TSPEAR: variants seen among roughly 807,000 people sequenced by gnomAD.
TSPEAR encodes thrombospondin type laminin G domain and EAR repeats.
A neutral mutation model predicts 71.6 loss-of-function variants in TSPEAR; 69 were observed. The ratio of observed to expected loss-of-function variants is 0.96; its 90% CI spans 0.79 to 1.18. The LOEUF is 1.18. Ranked by LOEUF, TSPEAR falls within the 50% of genes most tolerant of loss-of-function variation. The probability of loss-of-function intolerance (pLI) is 0.00; values close to 1 mark genes in which losing one functional copy is unlikely to be tolerated. For missense variants in TSPEAR, 971 were observed against 894.9 expected, an observed-to-expected ratio of 1.09 and a Z score of -1.09; for synonymous variants, 402 against 387.2, an observed-to-expected ratio of 1.04 and a Z score of -0.45.
At chr21:44,522,176 C>A in intron 8 of TSPEAR, 64 bp from the exon 9 acceptor site, 1 of 1,512,708 alleles carries the variant, frequency 6.6e-7, no homozygotes, top group Admixed American at 1.7e-5. Context: ...GCAGCCCCGA[C>A]GGAGGCAGAG....
Position 44,498,806 on chromosome 21 carries a change from T to G in TSPEAR, c.*977A>C, listed in dbSNP as rs1002748858. ...CCCCGGAGCCTGCTGTCTGAGCCTCTTCTCATGGAGTGGGGGTGGTTTCTC... is the reference window on the plus strand; with the variant it reads ...CCCCGGAGCCTGCTGTCTGAGCCTCGTCTCATGGAGTGGGGGTGGTTTCTC... On this transcript the variant is annotated 3_prime_UTR_variant, in exon 12 of 12. Transcript: ENST00000323084. 2.6e-5 allele frequency: 4 copies of G among 152,440 alleles called. No homozygotes were observed. The highest frequency in any genetic ancestry group is 9.6e-5 in the African/African-American group (4 of 41,484). The allele number at this position is 152,440 out of a possible 1,614,324, so 9.4% of individuals were successfully genotyped here. A position where few individuals can be genotyped will look rare whatever the true frequency, so the allele number is the denominator to read the frequency against.
chr21:44,537,201 A>G (rs2053103660), intron 2 of TSPEAR, among the ~76,000 whole-genome samples: 1 of 151,960 alleles, frequency 6.6e-6, no homozygotes, highest in Admixed American at 6.5e-5. Flanking sequence ...GCTAGAACCA[A>G]CGTTTTTAGA....
chr21:44,517,533 G>C, intron 9 of TSPEAR: 1 of 342,470 alleles, frequency 2.9e-6, no homozygotes, highest in South Asian at 2.2e-5. Flanking sequence ...CGTGAGTACA[G>C]GTCCAGCTAG....
In TSPEAR at chr21:44,571,406, G is replaced by A. The variant is rs1459033606; in HGVS notation, c.83-3401C>T. Among the ~76,000 whole-genome samples, 3 of 152,208 alleles carry A rather than the reference G, an allele frequency of 2.0e-5. No homozygotes were observed. The South Asian group carries it at 6.2e-4, about 32-fold the overall frequency. Reference sequence around the variant, plus strand: ...AGTCTGGAAAAACCAGCACCAACACGATTCTTAGTGGGGAAACCCCTCCCT... The same window carrying A: ...AGTCTGGAAAAACCAGCACCAACACAATTCTTAGTGGGGAAACCCCTCCCT... On this transcript the variant is annotated intron_variant, in intron 1 of 11. Transcript: ENST00000323084.
intron 2 of TSPEAR, among the ~76,000 whole-genome samples, chr21:44,541,266 AC>A (rs2053218441): frequency 6.6e-6 from 1 of 152,196 alleles, no homozygotes; most frequent in Admixed American, 6.5e-5. Flanking sequence ...GAAATAATAA[AC>A]TTTTTTGGAG....
intron 1 of TSPEAR, among the ~76,000 whole-genome samples, chr21:44,707,481 G>A (rs1156287500): frequency 1.3e-5 from 2 of 152,198 alleles, no homozygotes; most frequent in Non-Finnish European, 2.9e-5. Context: ...TGGAACCAGA[G>A]AGGCTGGAGA....
At position 44,629,107 on chromosome 21, in the gene TSPEAR, C is replaced by T. The variant is rs587766405; in HGVS notation, c.83-61102G>A. On this transcript the variant is annotated intron_variant, in intron 1 of 11. Transcript: ENST00000323084. ...CAGATGGCCAGAGCCACACTGTCCC[C>T]TCCAGTCCTCACCCACACCCCCCAC... is the stretch of plus-strand genomic sequence containing the variant. Among the ~76,000 whole-genome samples the T allele has an allele frequency of 2.9e-4, 44 of 152,284 alleles. 1 individual carries two copies. Among genetic ancestry groups the T allele is most frequent in the Admixed American group, 1.2e-3 (19 of 15,312 alleles).
rs587699285 is a variant in TSPEAR, at chr21:44,647,650, A to C, written c.82+63783T>G. On this transcript the variant is annotated intron_variant, in intron 1 of 11. Coordinates refer to ENST00000323084, the MANE Select transcript of TSPEAR (RefSeq NM_144991.3). ...AATCAATAAATTCTTGAGTCAGGAAATACGGGCTGGTGTGCACTTTCTGCT... is the reference window on the plus strand; with the variant it reads ...AATCAATAAATTCTTGAGTCAGGAACTACGGGCTGGTGTGCACTTTCTGCT... 8.6e-5 allele frequency: 39 copies of C among 454,188 alleles called. No homozygotes were observed. In the South Asian group the frequency reaches 1.0e-3, roughly 12 times the overall value. 28.1% of individuals were successfully genotyped at this position (454,188 alleles called of 1,614,324 possible).
At position 44,607,568 on chromosome 21, in the gene TSPEAR, C is replaced by T. The variant is rs377667589; in HGVS notation, c.83-39563G>A. On this transcript the variant is annotated intron_variant, in intron 1 of 11. Coordinates refer to ENST00000323084, the MANE Select transcript of TSPEAR (RefSeq NM_144991.3). ...TTGTGGTAGGCAAAGACTTCGGGAA[C>T]GGGGTAAAAATGCCACACATAAGAG... 1.3e-3 allele frequency among the ~76,000 whole-genome samples: 205 copies of T among 152,248 alleles called. 3 individuals carry two copies. Among genetic ancestry groups the T allele is most frequent in the African/African-American group, 4.5e-3 (189 of 41,540 alleles).
At chr21:44,639,252 C>A (rs1264996413) in intron 1 of TSPEAR, among the ~76,000 whole-genome samples, 1 of 152,236 alleles carries the variant, frequency 6.6e-6, no homozygotes, top group Admixed American at 6.5e-5. Context: ...GCCTGCCACC[C>A]TCCGTCCCAG....
chr21:44,580,634 T>TGTGAGTGAGTGAAGGAGGGA, intron 1 of TSPEAR: 1 of 1,529,802 alleles, frequency 6.5e-7, no homozygotes, highest in Non-Finnish European at 8.9e-7. Flanking sequence ...TGAGTGAGTG[T>TGTGAGTGAGTGAAGGAGGGA]GTGAGTGAGT....
chr21:44,582,485 T>C (rs1191718329), intron 1 of TSPEAR, among the ~76,000 whole-genome samples: 1 of 152,226 alleles, frequency 6.6e-6, no homozygotes, highest in African/African-American at 2.4e-5. Flanking sequence ...TAATTTGCTT[T>C]AGTTTTCCCA....
chr21:44,540,336 G>T, intron 2 of TSPEAR: 1 of 960,538 alleles, frequency 1.0e-6, no homozygotes, highest in Non-Finnish European at 1.5e-6. Context: ...GAGGTGGCGT[G>T]TGTCATGACT....
At chr21:44,523,305 G>A (rs587688996) in intron 8 of TSPEAR, among the ~76,000 whole-genome samples, 2 of 150,306 alleles carry the variant, frequency 1.3e-5, no homozygotes, top group East Asian at 4.0e-4. Flanking sequence ...CAGTCAGTCA[G>A]TTTGTCAGTC....
chr21:44,544,927 A>G (rs1412207997), intron 2 of TSPEAR, among the ~76,000 whole-genome samples: 1 of 152,206 alleles, frequency 6.6e-6, no homozygotes, highest in East Asian at 1.9e-4. Context: ...TCAGATCACC[A>G]AAGTATGTGA....
chr21:44,676,328 C>G (rs1986311420), intron 1 of TSPEAR: 1 of 1,170,152 alleles, frequency 8.5e-7, no homozygotes, highest in African/African-American at 1.5e-5. Context: ...AATTCATTAT[C>G]AGAACAGTTG....
chr21:44,536,837 G>A (rs1483124921), intron 2 of TSPEAR, among the ~76,000 whole-genome samples: 1 of 152,104 alleles, frequency 6.6e-6, no homozygotes, highest in Non-Finnish European at 1.5e-5. Context: ...ACTTGCAAAG[G>A]AAAGGAGCTA....
chr21:44,603,451 G>C (rs1408803627), intron 1 of TSPEAR, among the ~76,000 whole-genome samples: 3 of 152,172 alleles, frequency 2.0e-5, no homozygotes, highest in African/African-American at 7.2e-5. Flanking sequence ...GCCTTGCTCA[G>C]AGAAGCACGT....
intron 2 of TSPEAR, among the ~76,000 whole-genome samples, chr21:44,552,197 G>A (rs1390653339): frequency 6.6e-6 from 1 of 152,130 alleles, no homozygotes; most frequent in Non-Finnish European, 1.5e-5. Context: ...GGGTGGGGAG[G>A]GGCCTCTGCC....
Sources: gnomAD v4.1 joint callset for allele counts (sites outside exome capture counted in the v4.1 genomes callset) on GRCh38, gnomAD v4.1.1 for gene constraint, MANE v1.5 for transcripts, NCBI Gene and HGNC (gene_info 2026-07-23, HGNC 2026-07-21) for gene names.